SERGEF: variants seen among roughly 807,000 people sequenced by gnomAD.
SERGEF encodes secretion regulating guanine nucleotide exchange factor.
In SERGEF, 51 loss-of-function variants were observed where a neutral mutation model predicts 50.0. The observed-to-expected ratio is 1.02, with a 90% CI of 0.81 to 1.29. SERGEF has a LOEUF of 1.29. Ranked by LOEUF, SERGEF falls within the 50% of genes most tolerant of loss-of-function variation. The pLI, the probability that SERGEF is intolerant of heterozygous loss-of-function variation, is 0.00. For synonymous variants in SERGEF, 205 were observed against 212.4 expected (o/e 0.97, Z 0.30); for missense variants, 521 against 557.0 (o/e 0.94, Z 0.65).
intron 9 of SERGEF, among the ~76,000 whole-genome samples, chr11:17,881,248 G>T (rs995893462): frequency 6.6e-6 from 1 of 152,184 alleles, no homozygotes; most frequent in East Asian, 1.9e-4. Context: ...GACTGCTGGG[G>T]TTCACCCTGG....
In SERGEF at chr11:18,000,269, G is replaced by A. The variant is rs924511144; in HGVS notation, c.508+228C>T. On this transcript the variant is annotated intron_variant, in intron 5 of 10. Coordinates refer to ENST00000265965, the MANE Select transcript of SERGEF (RefSeq NM_012139.4). ...TCAAGACCAGCCTGGGCAACATAGC[G>A]AGACCCTGTCTCTACAAAAAATCTT... 5.9e-5 allele frequency among the ~76,000 whole-genome samples: 9 copies of A among 152,176 alleles called. No individual in the cohort carries two copies. In the South Asian group the frequency reaches 1.5e-3, roughly 25 times the overall value.
intron 8 of SERGEF, among the ~76,000 whole-genome samples, chr11:17,987,361 G>A (rs1035111090): frequency 1.3e-5 from 2 of 152,210 alleles, no homozygotes; most frequent in African/African-American, 4.8e-5. Context: ...TTCCTTCACA[G>A]AGCTCATTAT....
chr11:17,825,484 G>A (rs1850176315), intron 10 of SERGEF, among the ~76,000 whole-genome samples: 1 of 152,192 alleles, frequency 6.6e-6, no homozygotes, highest in South Asian at 2.1e-4. Context: ...GAAGTCAAAT[G>A]TAAGCATTTT....
intron 10 of SERGEF, among the ~76,000 whole-genome samples, chr11:17,832,160 A>C (rs1850320015): frequency 6.6e-6 from 1 of 152,064 alleles, no homozygotes; most frequent in African/African-American, 2.4e-5. Context: ...TCCCCATCCA[A>C]CTCTCATCTT....
At chr11:17,935,612 AT>A in intron 9 of SERGEF, among the ~76,000 whole-genome samples, 1 of 152,232 alleles carries the variant, frequency 6.6e-6, no homozygotes. Flanking sequence ...ATCCAAGTTT[AT>A]ACAGGTAATT....
chr11:17,908,936 T>A (rs1467470053), intron 9 of SERGEF, among the ~76,000 whole-genome samples: 2 of 152,212 alleles, frequency 1.3e-5, no homozygotes, highest in East Asian at 3.8e-4. Context: ...AGGTAAAACT[T>A]CTTCTTGCTG....
At chr11:17,907,738 C>G (rs1400904080) in intron 9 of SERGEF, among the ~76,000 whole-genome samples, 3 of 152,124 alleles carry the variant, frequency 2.0e-5, no homozygotes, top group Non-Finnish European at 2.9e-5. Flanking sequence ...ATTAGTCAGA[C>G]AGATGATAAA....
At chr11:17,896,545 G>A (rs1247276899) in intron 9 of SERGEF, among the ~76,000 whole-genome samples, 1 of 125,092 alleles carries the variant, frequency 8.0e-6, no homozygotes, top group Admixed American at 9.0e-5. Context: ...CTTGGAAGGG[G>A]AAGGGAAGGG....
At chr11:17,811,537 T>C (rs925287061) in intron 10 of SERGEF, among the ~76,000 whole-genome samples, 3 of 152,234 alleles carry the variant, frequency 2.0e-5, no homozygotes, top group African/African-American at 7.2e-5. Flanking sequence ...AGCTCATGCT[T>C]CCAGACATGC....
chr11:17,961,818 A>G (rs1195767094), intron 8 of SERGEF, among the ~76,000 whole-genome samples: 1 of 152,182 alleles, frequency 6.6e-6, no homozygotes, highest in African/African-American at 2.4e-5. Context: ...GAACTTGTCT[A>G]TTTCTCCTCA....
chr11:17,829,112 G>A (rs1850251009), intron 10 of SERGEF, among the ~76,000 whole-genome samples: 1 of 152,240 alleles, frequency 6.6e-6, no homozygotes, highest in African/African-American at 2.4e-5. Flanking sequence ...AACCTAGTAG[G>A]ACAGTGACAA....
At position 17,935,385 on chromosome 11, in the gene SERGEF, C is replaced by T. The variant is rs1010264532; in HGVS notation, c.1011+24085G>A. Among the ~76,000 whole-genome samples, 35 of 152,058 alleles carry T rather than the reference C, an allele frequency of 2.3e-4. 1 individual carries two copies. Among genetic ancestry groups the T allele is most frequent in the Admixed American group, 1.6e-3 (25 of 15,244 alleles). On this transcript the variant is annotated intron_variant, in intron 9 of 10. Coordinates refer to ENST00000265965, the MANE Select transcript of SERGEF (RefSeq NM_012139.4). ...CAAGAAGCTGAGATGGGAAGATCTG[C>T]TTGAGCTCAGGAGTTTGAGGCTGCA...
intron 9 of SERGEF, among the ~76,000 whole-genome samples, chr11:17,891,764 A>G (rs1473426815): frequency 6.6e-6 from 1 of 152,214 alleles, no homozygotes; most frequent in Admixed American, 6.5e-5. Flanking sequence ...ACAGAGTGGT[A>G]TATCTTGTAA....
Position 18,006,746 on chromosome 11 carries a change from T to A in SERGEF, c.197A>T (p.Asp66Val), listed in dbSNP as rs774145271. The A allele has an allele frequency of 6.2e-7, 1 of 1,614,040 alleles. No homozygotes were observed. The highest frequency in any genetic ancestry group is 1.1e-5 in the South Asian group (1 of 91,054). The change falls in exon 3 of 11, where the codon GAT (aspartate) becomes GTT (valine). Residue 66 changes from aspartate to valine, a missense_variant and splice_region_variant. Transcript: ENST00000265965. ...GGGGHSAVVT[D>V]GGDLFVCGLN... ...GCCACAAACAAAGAGGTCTCCTCCA[T>A]CTGCAAAATATAAAGGCATCAGTGA...
chr11:17,892,444 C>T (rs372618842), intron 9 of SERGEF, among the ~76,000 whole-genome samples: 22 of 152,286 alleles, frequency 1.4e-4, no homozygotes, highest in Admixed American at 1.0e-3. Flanking sequence ...AGTGCTGAGC[C>T]ACTCCCAGTT....
chr11:17,868,619 G>A (rs1052042924), intron 10 of SERGEF, among the ~76,000 whole-genome samples: 1 of 152,058 alleles, frequency 6.6e-6, no homozygotes, highest in South Asian at 2.1e-4. Context: ...CCTACTCCTG[G>A]TATCAATTTA....
At chr11:17,977,615 C>T (rs1352364786) in intron 8 of SERGEF, among the ~76,000 whole-genome samples, 1 of 152,204 alleles carries the variant, frequency 6.6e-6, no homozygotes, top group Non-Finnish European at 1.5e-5. Context: ...AGGGCTGCTA[C>T]AGACTGAATG....
chr11:17,828,762 T>C (rs1451764003), intron 10 of SERGEF, among the ~76,000 whole-genome samples: 2 of 152,172 alleles, frequency 1.3e-5, no homozygotes, highest in Non-Finnish European at 2.9e-5. Context: ...ATGTCCAACA[T>C]CTGATTCCTT....
intron 9 of SERGEF, among the ~76,000 whole-genome samples, chr11:17,887,755 G>A (rs1851457826): frequency 6.6e-6 from 1 of 152,162 alleles, no homozygotes; most frequent in Non-Finnish European, 1.5e-5. Context: ...GTTCATAGCA[G>A]TTTTATTCAT....
Sources: gnomAD v4.1 joint callset for allele counts (sites outside exome capture counted in the v4.1 genomes callset) on GRCh38, gnomAD v4.1.1 for gene constraint, MANE v1.5 for transcripts, NCBI Gene and HGNC (gene_info 2026-07-23, HGNC 2026-07-21) for gene names.